The following IL1RAPL2 variants were observed in gnomAD, a reference collection of about 807,000 sequenced individuals.
The protein encoded by IL1RAPL2 is interleukin 1 receptor accessory protein like 2.
In IL1RAPL2, 3 loss-of-function variants were observed where a neutral mutation model predicts 44.1. That is an observed-to-expected ratio of 0.07 (90% CI 0.03 to 0.18). IL1RAPL2 has a LOEUF of 0.18. IL1RAPL2 is among the 10% of genes least tolerant of loss of function. The probability of loss-of-function intolerance (pLI) is 1.00; values close to 1 mark genes in which losing one functional copy is unlikely to be tolerated. For missense variants in IL1RAPL2, 391 were observed against 496.4 expected (o/e 0.79, Z 2.02); for synonymous variants, 181 against 178.8 (o/e 1.01, Z -0.10).
chrX:104,807,400 T>C (rs618), intron 2 of IL1RAPL2, among the ~76,000 whole-genome samples: 46,367 of 109,654 alleles, frequency 0.42, 7,252 homozygotes, highest in East Asian at 0.46. Flanking sequence ...GGTCTACCCC[T>C]GCAGGGCTCT....
chrX:104,695,126 T>A (rs1331454013), intron 2 of IL1RAPL2, among the ~76,000 whole-genome samples: 1 of 111,996 alleles, frequency 8.9e-6, no homozygotes, highest in Non-Finnish European at 1.9e-5. Context: ...GGCTAGAAAA[T>A]TTTCAGTGAG....
At chrX:105,000,225 C>G (rs2030827608) in intron 2 of IL1RAPL2, among the ~76,000 whole-genome samples, 1 of 112,029 alleles carries the variant, frequency 8.9e-6, no homozygotes, top group Non-Finnish European at 1.9e-5. Flanking sequence ...TTTTCTTGAG[C>G]TAGCCTAAGC....
At chrX:105,717,343 C>T (rs2038265589) in intron 6 of IL1RAPL2, 24 bp from the exon 7 acceptor site, 1 of 1,158,009 alleles carries the variant, frequency 8.6e-7, no homozygotes, top group Non-Finnish European at 1.2e-6. Context: ...GTCATTTGCT[C>T]ATTTCTTTTT....
chrX:105,665,830 T>G (rs1411095828), intron 6 of IL1RAPL2, among the ~76,000 whole-genome samples: 2 of 105,483 alleles, frequency 1.9e-5, no homozygotes, highest in Admixed American at 2.1e-4. Context: ...TGGTGCGATC[T>G]CGGCTCACTG....
chrX:105,614,853 C>T (rs1328060014), intron 6 of IL1RAPL2, among the ~76,000 whole-genome samples: 6 of 111,248 alleles, frequency 5.4e-5, no homozygotes, highest in Middle Eastern at 4.6e-3. Flanking sequence ...TAAAAAACTT[C>T]GGCACAGCAA....
intron 4 of IL1RAPL2, among the ~76,000 whole-genome samples, chrX:105,235,419 AAC>A (rs2034111794): frequency 9.0e-6 from 1 of 111,463 alleles, no homozygotes; most frequent in African/African-American, 3.3e-5. Flanking sequence ...GTTGGAACCA[AAC>A]ACACATAAAA....
chrX:104,856,395 G>A lies in IL1RAPL2; in HGVS notation c.82+197400G>A, dbSNP rs192053492. ...AAGACAATATTCACATTAACAACAG[G>A]AAAATGAATCGGGACAAAATCTGCA... On this transcript the variant is annotated intron_variant, in intron 2 of 10. Coordinates refer to ENST00000372582, the MANE Select transcript of IL1RAPL2 (RefSeq NM_017416.2). 6.3e-3 allele frequency among the ~76,000 whole-genome samples: 705 copies of A among 111,755 alleles called. 3 individuals are homozygous for A. Among genetic ancestry groups the A allele is most frequent in the African/African-American group, 0.022 (672 of 30,793 alleles).
At chrX:105,615,049 A>C (rs149727765) in intron 6 of IL1RAPL2, among the ~76,000 whole-genome samples, 51 of 112,467 alleles carry the variant, frequency 4.5e-4, no homozygotes, top group Middle Eastern at 4.6e-3. Context: ...AAAAGAAGAT[A>C]TACAAATGGC....
intron 2 of IL1RAPL2, among the ~76,000 whole-genome samples, chrX:104,910,052 A>C (rs1602808613): frequency 8.9e-6 from 1 of 112,581 alleles, no homozygotes; most frequent in African/African-American, 3.2e-5. Context: ...ATATAATCTC[A>C]TGCTGCACCA....
At chrX:105,389,324 C>T (rs1231877998) in intron 5 of IL1RAPL2, among the ~76,000 whole-genome samples, 2 of 112,013 alleles carry the variant, frequency 1.8e-5, no homozygotes, top group African/African-American at 6.5e-5. Context: ...TATTGCCATT[C>T]ATTGGTCTCC....
intron 6 of IL1RAPL2, among the ~76,000 whole-genome samples, chrX:105,658,806 A>C (rs1363803503): frequency 3.7e-5 from 4 of 109,118 alleles, no homozygotes; most frequent in Admixed American, 2.0e-4. Context: ...TACAAAAAAA[A>C]AAAAAATTAG....
intron 6 of IL1RAPL2, among the ~76,000 whole-genome samples, chrX:105,486,262 A>T (rs953303144): frequency 8.9e-6 from 1 of 112,327 alleles, no homozygotes; most frequent in Non-Finnish European, 1.9e-5. Flanking sequence ...TCTTGAAAAT[A>T]AGAGACAGAA....
intron 2 of IL1RAPL2, among the ~76,000 whole-genome samples, chrX:105,080,024 T>C (rs1286652175): frequency 1.8e-5 from 2 of 112,370 alleles, no homozygotes; most frequent in Non-Finnish European, 3.8e-5. Flanking sequence ...TTCATATCCT[T>C]CACCTGATCT....
intron 2 of IL1RAPL2, among the ~76,000 whole-genome samples, chrX:104,963,038 A>G (rs2030038539): frequency 8.9e-6 from 1 of 111,889 alleles, no homozygotes; most frequent in Admixed American, 9.5e-5. Flanking sequence ...TCGTCCCATT[A>G]CATGCCTCCG....
At chrX:104,571,751 C>G (rs767808305) in intron 1 of IL1RAPL2, among the ~76,000 whole-genome samples, 1 of 111,768 alleles carries the variant, frequency 8.9e-6, no homozygotes, top group South Asian at 3.8e-4. Flanking sequence ...AGGAAGTTCT[C>G]TAACATTGCA....
intron 5 of IL1RAPL2, among the ~76,000 whole-genome samples, chrX:105,404,504 T>C (rs1223901589): frequency 8.9e-6 from 1 of 111,886 alleles, no homozygotes; most frequent in East Asian, 2.8e-4. Context: ...TATTCTTCCT[T>C]GAAATTTTCT....
chrX:105,375,425 C>G (rs780412312), intron 5 of IL1RAPL2, among the ~76,000 whole-genome samples: 15 of 111,353 alleles, frequency 1.3e-4, no homozygotes, highest in Non-Finnish European at 2.8e-4. Flanking sequence ...GCAGGAGAAT[C>G]ACTTGAATCT....
chrX:104,752,271 TG>T (rs1212258674), intron 2 of IL1RAPL2, among the ~76,000 whole-genome samples: 3 of 106,177 alleles, frequency 2.8e-5, no homozygotes, highest in Non-Finnish European at 5.8e-5. Context: ...GTGGTAATGT[TG>T]GCGTGAGAGT....
Position 105,190,291 on chromosome X carries a change from T to A in IL1RAPL2, c.83-5184T>A, listed in dbSNP as rs148635686. ...AGATCGCAGCTGTATTCTCAACTTT[T>A]GGCTTCTGTCACCTACAATGGTGCA... On this transcript the variant is annotated intron_variant, in intron 2 of 10. Coordinates refer to ENST00000372582, the MANE Select transcript of IL1RAPL2 (RefSeq NM_017416.2). Among the ~76,000 whole-genome samples, 4 of 112,318 alleles carry A rather than the reference T, an allele frequency of 3.6e-5. No homozygotes were observed. In the East Asian group the frequency reaches 1.1e-3, roughly 32 times the overall value.
Sources: gnomAD v4.1 joint callset for allele counts (sites outside exome capture counted in the v4.1 genomes callset) on GRCh38, gnomAD v4.1.1 for gene constraint, MANE v1.5 for transcripts, NCBI Gene and HGNC (gene_info 2026-07-23, HGNC 2026-07-21) for gene names.